Variants in TPTE2 observed in about 807,000 individuals in gnomAD.
The protein encoded by TPTE2 is transmembrane phosphoinositide 3-phosphatase and tensin homolog 2, also known as phosphatidylinositol 3,4,5-trisphosphate 3-phosphatase TPTE2.
TPTE2 carries 53 observed loss-of-function variants against 78.6 expected under a neutral mutation model. That is an observed-to-expected ratio of 0.67 (90% CI 0.54 to 0.85). TPTE2 has a LOEUF of 0.85. TPTE2 is among the 40% of genes least tolerant of loss of function. The pLI is 0.00. For missense variants in TPTE2, 461 were observed against 623.0 expected (o/e 0.74, Z 2.77); for synonymous variants, 175 against 206.2 (o/e 0.85, Z 1.30).
intron 10 of TPTE2, among the ~76,000 whole-genome samples, chr13:19,456,793 A>AGT (rs1009608719): frequency 1.8e-4 from 27 of 151,662 alleles, no homozygotes; most frequent in African/African-American, 4.1e-4. Flanking sequence ...TGTGGGTTTG[A>AGT]GTGTGTGTGT....
rs140778301 is a variant in TPTE2, at chr13:19,432,475, C to T, written c.1220G>A (p.Arg407His). Residue 407 changes from arginine (R) to histidine (H), a missense_variant and splice_region_variant, in exon 16 of 20, where the codon CGT (arginine) becomes CAT (histidine). Coordinates refer to ENST00000400230, the Ensembl canonical transcript of TPTE2. ...TCAATTACACATAAAGCACTTACCA[C>T]GAATCGAATAAATAATGAATCTTTT... 1.0e-5 allele frequency: 16 copies of T among 1,573,088 alleles called. No homozygotes were observed. The Admixed American group carries it at 1.1e-4, about 11-fold the overall frequency.
At chr13:19,470,092 C>T (rs566105819) in intron 6 of TPTE2, among the ~76,000 whole-genome samples, 1 of 152,268 alleles carries the variant, frequency 6.6e-6, no homozygotes, top group African/African-American at 2.4e-5. Flanking sequence ...AAGTGGGCAT[C>T]CTCATTGTGT....
intron 19 of TPTE2, among the ~76,000 whole-genome samples, chr13:19,423,725 G>A (rs561565071): frequency 6.6e-6 from 1 of 152,260 alleles, no homozygotes; most frequent in South Asian, 2.1e-4. Flanking sequence ...GCTTTACCAA[G>A]TAGTATGTAA....
chr13:19,555,009 C>T, the TPTE2 span, among the ~76,000 whole-genome samples: 1 of 152,210 alleles, frequency 6.6e-6, no homozygotes, highest in African/African-American at 2.4e-5. Flanking sequence ...TTAGGATCAT[C>T]ACTATATTTT....
chr13:19,465,900 A>G (rs1404674789), intron 7 of TPTE2, among the ~76,000 whole-genome samples: 1 of 152,240 alleles, frequency 6.6e-6, no homozygotes. Context: ...TCTGGTCTAG[A>G]GAAATAGTGA....
At chr13:19,454,726 ACC>A (rs139374923) in intron 10 of TPTE2, among the ~76,000 whole-genome samples, 2,112 of 152,272 alleles carry the variant, frequency 0.014, 39 homozygotes, top group African/African-American at 0.047. Context: ...TCTAGAGATC[ACC>A]CCAGAAAAAA....
At chr13:19,461,958 G>T (rs1878936083) in intron 10 of TPTE2, among the ~76,000 whole-genome samples, 1 of 142,040 alleles carries the variant, frequency 7.0e-6, no homozygotes. Context: ...TTAAATCTTG[G>T]CAGCCAACTC....
At chr13:19,452,897 T>C (rs1021717430) in intron 10 of TPTE2, among the ~76,000 whole-genome samples, 28 of 152,090 alleles carry the variant, frequency 1.8e-4, no homozygotes, top group African/African-American at 6.8e-4. Context: ...AGGTTAATCA[T>C]AGCACTAATG....
chr13:19,461,491 C>T (rs1261196882), intron 10 of TPTE2, among the ~76,000 whole-genome samples: 2 of 152,096 alleles, frequency 1.3e-5, no homozygotes, highest in African/African-American at 4.8e-5. Flanking sequence ...TATAGTCACC[C>T]TACAGCACTA....
chr13:19,500,644 T>C (rs1306922365), intron 1 of TPTE2, among the ~76,000 whole-genome samples: 9 of 152,262 alleles, frequency 5.9e-5, no homozygotes, highest in Non-Finnish European at 1.0e-4. Flanking sequence ...ATTGATGGGA[T>C]GTATTTCAAA....
chr13:19,521,778 C>T (rs1341861066), intron 1 of TPTE2, among the ~76,000 whole-genome samples: 1 of 152,050 alleles, frequency 6.6e-6, no homozygotes, highest in African/African-American at 2.4e-5. Context: ...TAGCTCCATT[C>T]CCTCTCTCTT....
chr13:19,543,214 G>A, the TPTE2 span, among the ~76,000 whole-genome samples: 1 of 151,868 alleles, frequency 6.6e-6, no homozygotes, highest in Non-Finnish European at 1.5e-5. Flanking sequence ...ACCACACCAG[G>A]CTAATTTTTG....
At chr13:19,545,518 C>T in the TPTE2 span, among the ~76,000 whole-genome samples, 1 of 152,162 alleles carries the variant, frequency 6.6e-6, no homozygotes, top group South Asian at 2.1e-4. Context: ...CCCCCTCACC[C>T]CAATCCTTTT....
In TPTE2 at chr13:19,440,509, T is replaced by C. The variant is rs193061707; in HGVS notation, c.974-2356A>G. On this transcript the variant is annotated intron_variant, in intron 13 of 19. Transcript: ENST00000400230. ...CATGGGCCGGATGCAGTGGCTCACATCTGTAATCCCAGCACTTTGGGAGGC... is the reference window on the plus strand; with the variant it reads ...CATGGGCCGGATGCAGTGGCTCACACCTGTAATCCCAGCACTTTGGGAGGC... Among the ~76,000 whole-genome samples the C allele has an allele frequency of 6.7e-4, 102 of 152,160 alleles. 1 individual carries two copies. Among genetic ancestry groups the C allele is most frequent in the African/African-American group, 2.4e-3 (98 of 41,546 alleles).
At chr13:19,481,545 T>C (rs796650072) in intron 4 of TPTE2, among the ~76,000 whole-genome samples, 1 of 151,696 alleles carries the variant, frequency 6.6e-6, no homozygotes, top group Non-Finnish European at 1.5e-5. Flanking sequence ...CCTATATCTA[T>C]GTAATGAGAC....
chr13:19,427,955 C>T (rs1360226577), intron 17 of TPTE2, among the ~76,000 whole-genome samples: 1 of 152,210 alleles, frequency 6.6e-6, no homozygotes, highest in Admixed American at 6.5e-5. Flanking sequence ...TGGTACATAA[C>T]TCAATCTGTA....
At chr13:19,550,096 C>T in the TPTE2 span, among the ~76,000 whole-genome samples, 1 of 146,264 alleles carries the variant, frequency 6.8e-6, no homozygotes, top group Non-Finnish European at 1.5e-5. Flanking sequence ...ACCAAACCCC[C>T]ATGACACTCA....
At chr13:19,516,316 T>C (rs1455893235) in intron 1 of TPTE2, among the ~76,000 whole-genome samples, 2 of 152,208 alleles carry the variant, frequency 1.3e-5, no homozygotes, top group Non-Finnish European at 2.9e-5. Flanking sequence ...TTCTGCACTT[T>C]AGGTGCTCCA....
chr13:19,496,527 G>A (rs1447174708), intron 1 of TPTE2, among the ~76,000 whole-genome samples: 2 of 152,152 alleles, frequency 1.3e-5, no homozygotes, highest in Non-Finnish European at 2.9e-5. Flanking sequence ...GTAGCTGTGG[G>A]TCTAAGGAAG....
Sources: allele counts gnomAD v4.1 joint callset (sites outside exome capture counted in the v4.1 genomes callset), GRCh38; gene constraint gnomAD v4.1.1; transcripts MANE v1.5; gene names NCBI Gene and HGNC (gene_info 2026-07-23, HGNC 2026-07-21).